The following ADAMTSL1 variants were observed in gnomAD, a reference collection of about 807,000 sequenced individuals.
ADAMTSL1 encodes ADAMTS-like protein 1.
A neutral mutation model predicts 201.8 loss-of-function variants in ADAMTSL1; 126 were observed. The observed-to-expected ratio is 0.62, with a 90% CI of 0.54 to 0.72. The LOEUF is 0.72. ADAMTSL1 is among the 30% of genes least tolerant of loss of function. ADAMTSL1 has a pLI of 0.00. For synonymous variants in ADAMTSL1, 1,121 were observed against 903.4 expected (o/e 1.24, Z -4.32); for missense variants, 2,679 against 2,277.8 (o/e 1.18, Z -3.59).
chr9:18,564,324 C>T (rs1308487985), intron 3 of ADAMTSL1, among the ~76,000 whole-genome samples: 1 of 152,146 alleles, frequency 6.6e-6, no homozygotes, highest in Non-Finnish European at 1.5e-5. Flanking sequence ...CTTGGGCTCA[C>T]CCTCCGTGGA....
chr9:18,607,981 C>A (rs991203610), intron 4 of ADAMTSL1, among the ~76,000 whole-genome samples: 1 of 151,990 alleles, frequency 6.6e-6, no homozygotes, highest in African/African-American at 2.4e-5. Context: ...CTATCATTGT[C>A]GGACATAAAC....
chr9:17,973,545 C>T (rs1818309742), intron 1 of ADAMTSL1, among the ~76,000 whole-genome samples: 1 of 100,400 alleles, frequency 1.0e-5, no homozygotes, highest in Non-Finnish European at 2.4e-5. Flanking sequence ...GGTACCAGTA[C>T]CATGCTGTTT....
intron 7 of ADAMTSL1, among the ~76,000 whole-genome samples, chr9:18,645,062 T>A (rs1827706875): frequency 6.6e-6 from 1 of 152,166 alleles, no homozygotes; most frequent in Admixed American, 6.5e-5. Flanking sequence ...GTTTCCTGAC[T>A]TTTTAATGAT....
At chr9:18,251,405 C>G (rs1488349429) in intron 2 of ADAMTSL1, among the ~76,000 whole-genome samples, 4 of 152,004 alleles carry the variant, frequency 2.6e-5, no homozygotes, top group Non-Finnish European at 5.9e-5. Context: ...GAGTGACTTT[C>G]TAAACTTCAA....
intron 1 of ADAMTSL1, among the ~76,000 whole-genome samples, chr9:18,133,310 C>G (rs1412558489): frequency 6.6e-6 from 1 of 152,078 alleles, no homozygotes; most frequent in East Asian, 1.9e-4. Context: ...TCACCTCAGC[C>G]AGTTTTGCTC....
intron 2 of ADAMTSL1, among the ~76,000 whole-genome samples, chr9:18,228,672 G>C (rs1830521256): frequency 6.6e-6 from 1 of 152,012 alleles, no homozygotes; most frequent in Non-Finnish European, 1.5e-5. Context: ...TTCTTGCCTA[G>C]GCCTCCTAAA....
chr9:18,087,628 T>C (rs1447973317), intron 1 of ADAMTSL1, among the ~76,000 whole-genome samples: 1 of 152,180 alleles, frequency 6.6e-6, no homozygotes, highest in Non-Finnish European at 1.5e-5. Flanking sequence ...TGTTTGAGTA[T>C]AGGATATAGA....
At chr9:18,610,724 G>T (rs916737448) in intron 4 of ADAMTSL1, among the ~76,000 whole-genome samples, 8 of 152,148 alleles carry the variant, frequency 5.3e-5, no homozygotes, top group African/African-American at 1.9e-4. Context: ...CAATTGTGAT[G>T]GGAGGAGAAT....
At chr9:18,862,012 C>T (rs1170869672) in intron 23 of ADAMTSL1, among the ~76,000 whole-genome samples, 1 of 152,162 alleles carries the variant, frequency 6.6e-6, no homozygotes, top group Admixed American at 6.5e-5. Flanking sequence ...TCTTTGCGTT[C>T]CCCTGGTAGC....
At chr9:18,200,504 T>C (rs962909238) in intron 2 of ADAMTSL1, among the ~76,000 whole-genome samples, 1 of 152,076 alleles carries the variant, frequency 6.6e-6, no homozygotes, top group African/African-American at 2.4e-5. Context: ...TATACACAGA[T>C]AATAAACGCA....
chr9:18,173,680 C>G (rs557504340), intron 2 of ADAMTSL1, among the ~76,000 whole-genome samples: 8 of 152,068 alleles, frequency 5.3e-5, no homozygotes, highest in Non-Finnish European at 1.0e-4. Context: ...ATTAAAAGCC[C>G]CAACACTAAT....
intron 7 of ADAMTSL1, among the ~76,000 whole-genome samples, chr9:18,649,230 C>T (rs1204396179): frequency 2.0e-5 from 3 of 152,212 alleles, no homozygotes; most frequent in African/African-American, 4.8e-5. Context: ...CCTTGGCTTT[C>T]AGCTCCATCA....
At chr9:17,977,004 C>T (rs1430735388) in intron 1 of ADAMTSL1, among the ~76,000 whole-genome samples, 2 of 151,960 alleles carry the variant, frequency 1.3e-5, no homozygotes, top group East Asian at 3.9e-4. Flanking sequence ...CACATTCTTT[C>T]TATACCTAAT....
intron 23 of ADAMTSL1, among the ~76,000 whole-genome samples, chr9:18,839,568 C>G (rs1825577694): frequency 6.6e-6 from 1 of 152,174 alleles, no homozygotes; most frequent in Non-Finnish European, 1.5e-5. Flanking sequence ...ATGGCTGGGT[C>G]AAATGGTATT....
intron 1 of ADAMTSL1, among the ~76,000 whole-genome samples, chr9:18,072,290 G>A (rs551642587): frequency 2.7e-4 from 41 of 152,300 alleles, no homozygotes; most frequent in Admixed American, 1.8e-3. Context: ...TTATGTGATG[G>A]CCTCATTGCT....
At chr9:18,034,758 A>G (rs965229373) in intron 1 of ADAMTSL1, among the ~76,000 whole-genome samples, 5 of 152,178 alleles carry the variant, frequency 3.3e-5, no homozygotes, top group Admixed American at 6.5e-5. Flanking sequence ...CCAAGATTGT[A>G]TAAGTTGTTT....
chr9:18,646,393 C>G (rs1827814066), intron 7 of ADAMTSL1, among the ~76,000 whole-genome samples: 1 of 151,876 alleles, frequency 6.6e-6, no homozygotes, highest in African/African-American at 2.4e-5. Context: ...CCTTCTCCTG[C>G]CTAATTGCCC....
chr9:18,210,380 CACAT>C, intron 2 of ADAMTSL1, among the ~76,000 whole-genome samples: 1 of 93,458 alleles, frequency 1.1e-5, no homozygotes, highest in South Asian at 4.2e-4. Flanking sequence ...AAAGAACACA[CACAT>C]ATACGCTAAT....
At chr9:18,288,214 C>T (rs10810945) in intron 2 of ADAMTSL1, among the ~76,000 whole-genome samples, 38,537 of 151,970 alleles carry the variant, frequency 0.25, 6,071 homozygotes, top group South Asian at 0.4. Flanking sequence ...CCAACGAGAA[C>T]GCATACACTG....
Sources: gnomAD v4.1 joint callset for allele counts (sites outside exome capture counted in the v4.1 genomes callset) on GRCh38, gnomAD v4.1.1 for gene constraint, MANE v1.5 for transcripts, NCBI Gene and HGNC (gene_info 2026-07-23, HGNC 2026-07-21) for gene names.